Variants in RWDD1 observed in about 807,000 individuals in gnomAD.
The protein encoded by RWDD1 is RWD domain-containing protein 1.
Under a neutral mutation model 31.6 loss-of-function variants are expected in RWDD1, and 17 were observed. That is an observed-to-expected ratio of 0.54 (90% CI 0.37 to 0.81). The LOEUF (loss-of-function observed/expected upper bound fraction) is 0.81, where lower values mean the gene tolerates loss of function less well. Among genes scored for constraint, RWDD1 ranks in the 30% least tolerant of loss-of-function variants. The pLI is 0.00. For missense variants in RWDD1, 204 were observed against 274.5 expected (o/e 0.74, Z 1.82); for synonymous variants, 78 against 94.2 (o/e 0.83, Z 0.99).
chr6:116,589,540 A>G (rs1314315031), intron 4 of RWDD1, among the ~76,000 whole-genome samples: 1 of 152,168 alleles, frequency 6.6e-6, no homozygotes, highest in Non-Finnish European at 1.5e-5. Context: ...AGAAAACCTC[A>G]TATTTTGAAA....
intron 3 of RWDD1, among the ~76,000 whole-genome samples, chr6:116,586,355 T>C (rs986082477): frequency 2.6e-5 from 4 of 152,070 alleles, no homozygotes; most frequent in African/African-American, 2.4e-5. Context: ...CTTTTTTTCC[T>C]TATGGTTATA....
At chr6:116,592,874 A>G in intron 6 of RWDD1, 106 bp from the exon 7 acceptor site, 1 of 1,246,136 alleles carries the variant, frequency 8.0e-7, no homozygotes, top group East Asian at 2.3e-5. Flanking sequence ...CCTACCTCAT[A>G]TGCAGATTTG....
Position 116,595,623 on chromosome 6 carries a change from T to C in RWDD1, c.*2522T>C, listed in dbSNP as rs1039241952. On this transcript the variant is annotated 3_prime_UTR_variant, in exon 7 of 7. Coordinates refer to ENST00000466444, the MANE Select transcript of RWDD1 (RefSeq NM_015952.4). ...ACTAGGTTAAAAACAAACACAGATA[T>C]GTTTATTCATTACTGTATCCCTGTA... is the stretch of plus-strand genomic sequence containing the variant. The C allele has an allele frequency of 6.6e-5, 10 of 152,242 alleles. No individual in the cohort carries two copies. Among genetic ancestry groups the C allele is most frequent in the African/African-American group, 9.6e-5 (4 of 41,464 alleles). 9.4% of individuals were successfully genotyped at this position (152,242 alleles called of 1,614,324 possible). A position where few individuals can be genotyped will look rare whatever the true frequency, so the allele number is the denominator to read the frequency against.
chr6:116,591,905 C>T (rs892106581), intron 6 of RWDD1, among the ~76,000 whole-genome samples: 5 of 152,240 alleles, frequency 3.3e-5, no homozygotes, highest in African/African-American at 1.2e-4. Context: ...TAAGCTAGGC[C>T]TTTACTGATA....
At chr6:116,588,545 T>C (rs892775892) in intron 3 of RWDD1, among the ~76,000 whole-genome samples, 1 of 152,104 alleles carries the variant, frequency 6.6e-6, no homozygotes, top group African/African-American at 2.4e-5. Context: ...AGAACTAAAA[T>C]ACTGAAAACA....
chr6:116,575,547 C>T (rs1292858386), intron 1 of RWDD1, among the ~76,000 whole-genome samples: 2 of 151,934 alleles, frequency 1.3e-5, no homozygotes, highest in Admixed American at 6.6e-5. Context: ...AATTAAGTAA[C>T]TTTCCCATCC....
chr6:116,588,965 G>T lies in RWDD1; in HGVS notation c.394G>T (p.Glu132Ter). Reference sequence around the variant, plus strand: ...AGAAGAAAAGAAACAAAAAGAAAAAGAAGCAGAAGAAGCTGAAAAGGTATA... The same window carrying T: ...AGAAGAAAAGAAACAAAAAGAAAAATAAGCAGAAGAAGCTGAAAAGGTATA... ...REEEKKQKEK[E>*]AEEAEKQLFH... The change falls in exon 4 of 7, where the codon GAA (glutamate) becomes TAA (stop). Residue 132 changes from glutamate to a stop codon, truncating the protein, a stop_gained. Coordinates refer to ENST00000466444, the MANE Select transcript of RWDD1 (RefSeq NM_015952.4). LOFTEE classifies it high-confidence loss of function. The T allele has an allele frequency of 4.3e-6, 6 of 1,410,158 alleles. No homozygotes were observed. The highest frequency in any genetic ancestry group is 5.6e-6 in the Non-Finnish European group (6 of 1,069,108). The allele number at this position is 1,410,158 out of a possible 1,614,324, so 87.4% of individuals were successfully genotyped here.
intron 3 of RWDD1, among the ~76,000 whole-genome samples, chr6:116,586,304 A>G (rs1775038751): frequency 6.6e-6 from 1 of 152,164 alleles, no homozygotes. Flanking sequence ...ACTATGTATA[A>G]TTAATTGTCT....
At chr6:116,574,751 C>T (rs1332200990) in intron 1 of RWDD1, among the ~76,000 whole-genome samples, 3 of 146,980 alleles carry the variant, frequency 2.0e-5, no homozygotes, top group African/African-American at 7.5e-5. Flanking sequence ...TTCCACCTCC[C>T]CTCCCCTTCC....
rs1219510795 is a variant in RWDD1, at chr6:116,580,461, G to A, written c.139+101G>A. 8.3e-6 allele frequency: 6 copies of A among 719,030 alleles called. No individual in the cohort carries two copies. In the East Asian group the frequency reaches 8.8e-5, roughly 11 times the overall value. 44.5% of individuals were successfully genotyped at this position (719,030 alleles called of 1,614,324 possible). On this transcript the variant is annotated intron_variant, in intron 2 of 6. Coordinates refer to ENST00000466444, the MANE Select transcript of RWDD1 (RefSeq NM_015952.4). ...GATATTGTCATGTGGAGGTGCTAAG[G>A]GGCTGTTACGAATCTGCTATGAATG...
intron 2 of RWDD1, among the ~76,000 whole-genome samples, chr6:116,583,294 G>A (rs1294950893): frequency 6.6e-6 from 1 of 152,000 alleles, no homozygotes; most frequent in African/African-American, 2.4e-5. Context: ...ATTTTCCTTT[G>A]TCTCAAGATA....
rs79042369 is a variant in RWDD1, at chr6:116,593,944, C to CAA, written c.*856_*857dup. 4 of 121,394 alleles carry CAA rather than the reference C, an allele frequency of 3.3e-5. No individual in the cohort carries two copies. Among genetic ancestry groups the CAA allele is most frequent in the Non-Finnish European group, 7.1e-5 (4 of 56,146 alleles). The allele number at this position is 121,394 out of a possible 1,614,324, so 7.5% of individuals were successfully genotyped here. On this transcript the variant is annotated 3_prime_UTR_variant, in exon 7 of 7. Transcript: ENST00000466444. ...TGGGCAACAGAGCAAGACTCCGTCT[C>CAA]AAAAAAAAAAAAAAGGTTTATTTGG...
chr6:116,579,872 G>C (rs2115326887), intron 1 of RWDD1, among the ~76,000 whole-genome samples: 1 of 152,286 alleles, frequency 6.6e-6, no homozygotes, highest in African/African-American at 2.4e-5. Flanking sequence ...GAGATTCTGA[G>C]TTATATCTCA....
At chr6:116,588,158 C>T (rs557322900) in intron 3 of RWDD1, among the ~76,000 whole-genome samples, 7 of 152,230 alleles carry the variant, frequency 4.6e-5, no homozygotes, top group African/African-American at 1.7e-4. Flanking sequence ...GCCTAGTACT[C>T]ATAGAGGTCC....
intron 3 of RWDD1, among the ~76,000 whole-genome samples, chr6:116,585,331 T>C (rs1775018752): frequency 6.6e-6 from 1 of 152,102 alleles, no homozygotes; most frequent in Non-Finnish European, 1.5e-5. Flanking sequence ...ACAACAATAA[T>C]GGCTTATGAC....
intron 3 of RWDD1, among the ~76,000 whole-genome samples, chr6:116,587,019 C>T (rs1197639731): frequency 3.9e-5 from 6 of 152,112 alleles, no homozygotes; most frequent in African/African-American, 1.4e-4. Flanking sequence ...CCGAGTTATC[C>T]AGTTTCCATG....
Position 116,590,408 on chromosome 6 carries a change from T to C in RWDD1, c.547+4T>C. 3 of 1,584,282 alleles carry C rather than the reference T, an allele frequency of 1.9e-6. No individual in the cohort carries two copies. The South Asian group carries it at 3.5e-5, about 19-fold the overall frequency. On this transcript the variant is annotated splice_donor_region_variant and intron_variant, in intron 5 of 6. Coordinates refer to ENST00000466444, the MANE Select transcript of RWDD1 (RefSeq NM_015952.4). The stretch of plus-strand genomic sequence containing the variant: ...GCAGGAAAAAATAAATTAAGTGGTA[T>C]GATTCCCCTGCCATTCCTGTTCTTC...
chr6:116,580,281 G>A lies in RWDD1; in HGVS notation c.74-14G>A, dbSNP rs1458992944. 1.9e-6 allele frequency: 3 copies of A among 1,581,828 alleles called. No individual in the cohort carries two copies. Among genetic ancestry groups the A allele is most frequent in the Admixed American group, 3.4e-5 (2 of 58,328 alleles). On this transcript the variant is annotated splice_polypyrimidine_tract_variant and intron_variant, in intron 1 of 6. Transcript: ENST00000466444. ...GAAAGCATTTCAATAACTTCTGTGT[G>A]TATTTTCTTGCAGTATTATCAGAAA... is the stretch of plus-strand genomic sequence containing the variant.
intron 2 of RWDD1, among the ~76,000 whole-genome samples, chr6:116,582,960 T>C (rs1472149438): frequency 6.6e-6 from 1 of 151,338 alleles, no homozygotes; most frequent in Non-Finnish European, 1.5e-5. Context: ...TTCTTTTTTT[T>C]TTTTTTTAAT....
Sources: gnomAD v4.1 joint callset for allele counts (sites outside exome capture counted in the v4.1 genomes callset) on GRCh38, gnomAD v4.1.1 for gene constraint, MANE v1.5 for transcripts, NCBI Gene and HGNC (gene_info 2026-07-23, HGNC 2026-07-21) for gene names.